The following ZFPM2 variants were observed in gnomAD, a reference collection of about 807,000 sequenced individuals.
ZFPM2 encodes the protein zinc finger protein ZFPM2.
A neutral mutation model predicts 98.6 loss-of-function variants in ZFPM2; 20 were observed. The ratio of observed to expected loss-of-function variants is 0.20; its 90% CI spans 0.14 to 0.29. ZFPM2 has a LOEUF of 0.29. ZFPM2 is among the 10% of genes least tolerant of loss of function. The pLI, the probability that ZFPM2 is intolerant of heterozygous loss-of-function variation, is 1.00. For missense variants in ZFPM2, 1,310 were observed against 1,388.6 expected, an observed-to-expected ratio of 0.94 and a Z score of 0.90; for synonymous variants, 518 against 502.7, an observed-to-expected ratio of 1.03 and a Z score of -0.41.
intron 4 of ZFPM2, among the ~76,000 whole-genome samples, chr8:105,577,263 G>C (rs2130733705): frequency 6.6e-6 from 1 of 152,122 alleles, no homozygotes; most frequent in East Asian, 1.9e-4. Context: ...TCTGTCCATA[G>C]CCTTTATGTA....
intron 1 of ZFPM2, among the ~76,000 whole-genome samples, chr8:105,404,251 C>T (rs148940284): frequency 2.6e-5 from 4 of 152,144 alleles, no homozygotes; most frequent in East Asian, 1.9e-4. Flanking sequence ...AGTGGCTTTG[C>T]GGCTTCATCC....
chr8:105,393,337 C>CTTTCTTTCTCTTT (rs1554600680), intron 1 of ZFPM2, among the ~76,000 whole-genome samples: 1 of 114,776 alleles, frequency 8.7e-6, no homozygotes, highest in South Asian at 3.3e-4. Context: ...TCTCTCTTTG[C>CTTTCTTTCTCTTT]CTTTCTTTCT....
intron 4 of ZFPM2, among the ~76,000 whole-genome samples, chr8:105,597,548 A>G (rs1459252789): frequency 6.6e-6 from 1 of 152,144 alleles, no homozygotes; most frequent in East Asian, 1.9e-4. Context: ...GTCATTAAAG[A>G]GTATAGAGAA....
At chr8:105,442,061 C>T (rs1812262376) in intron 2 of ZFPM2, among the ~76,000 whole-genome samples, 1 of 151,834 alleles carries the variant, frequency 6.6e-6, no homozygotes. Context: ...GGGCCGGGCG[C>T]GGTGGCTCAC....
At chr8:105,380,659 T>TATATATAACATATATATTATATATATATA (rs1810839912) in intron 1 of ZFPM2, among the ~76,000 whole-genome samples, 10 of 31,584 alleles carry the variant, frequency 3.2e-4, no homozygotes, top group Non-Finnish European at 4.9e-4. Context: ...ATATATATAT[T>TATATATAACATATATATTATATATATATA]ATATATAACA....
chr8:105,546,102 TC>T (rs1345110861), intron 3 of ZFPM2, among the ~76,000 whole-genome samples: 1 of 152,172 alleles, frequency 6.6e-6, no homozygotes, highest in African/African-American at 2.4e-5. Context: ...TGTTCCTGTT[TC>T]CTTTTGGATT....
chr8:105,378,312 C>A (rs1810771565), intron 1 of ZFPM2, among the ~76,000 whole-genome samples: 1 of 152,086 alleles, frequency 6.6e-6, no homozygotes, highest in African/African-American at 2.4e-5. Context: ...ATCTGTAATC[C>A]TATATTTTAA....
At chr8:105,407,725 C>G (rs897143516) in intron 1 of ZFPM2, among the ~76,000 whole-genome samples, 7 of 151,894 alleles carry the variant, frequency 4.6e-5, no homozygotes, top group South Asian at 2.1e-4. Context: ...TAAGTAGAAG[C>G]TATTAAATTA....
At chr8:105,617,443 G>T (rs750651347) in intron 4 of ZFPM2, among the ~76,000 whole-genome samples, 2 of 152,140 alleles carry the variant, frequency 1.3e-5, no homozygotes, top group Non-Finnish European at 1.5e-5. Context: ...CTTGAAGTAT[G>T]TGTTTTAAGT....
intron 5 of ZFPM2, among the ~76,000 whole-genome samples, chr8:105,638,642 G>T (rs1816893525): frequency 2.0e-5 from 3 of 151,946 alleles, no homozygotes; most frequent in South Asian, 4.1e-4. Flanking sequence ...TGAGATTTTT[G>T]ATAGTGTTTT....
chr8:105,342,826 A>C (rs1290066675), intron 1 of ZFPM2, among the ~76,000 whole-genome samples: 1 of 152,086 alleles, frequency 6.6e-6, no homozygotes, highest in Non-Finnish European at 1.5e-5. Context: ...TGGATATGAA[A>C]ATAGCAACAT....
At position 105,425,514 on chromosome 8, in the gene ZFPM2, A is replaced by G. The variant is rs1165346202; in HGVS notation, c.199+6212A>G. On this transcript the variant is annotated intron_variant, in intron 2 of 7. Coordinates refer to ENST00000407775, the MANE Select transcript of ZFPM2 (RefSeq NM_012082.4). ...TAGCAGAGTTGGGTTTGTGTTTTCT[A>G]TGTCTTTCCACATTCTTGAATTAGA... 3.3e-5 allele frequency among the ~76,000 whole-genome samples: 5 copies of G among 152,118 alleles called. No homozygotes were observed. In the South Asian group the frequency reaches 8.3e-4, roughly 25 times the overall value.
intron 4 of ZFPM2, among the ~76,000 whole-genome samples, chr8:105,583,892 G>A (rs948997777): frequency 1.3e-4 from 20 of 152,138 alleles, no homozygotes; most frequent in Non-Finnish European, 2.8e-4. Context: ...ACATCATGGA[G>A]TATCCTTTTC....
At chr8:105,663,205 T>C (rs1313498790) in intron 5 of ZFPM2, among the ~76,000 whole-genome samples, 1 of 152,212 alleles carries the variant, frequency 6.6e-6, no homozygotes, top group Non-Finnish European at 1.5e-5. Flanking sequence ...ATTCTGTTCC[T>C]GGCTTCATGG....
chr8:105,494,191 A>ATATATATATG (rs1813413569), intron 3 of ZFPM2, among the ~76,000 whole-genome samples: 1 of 81,180 alleles, frequency 1.2e-5, no homozygotes, highest in Non-Finnish European at 2.4e-5. Context: ...AAGTATATAT[A>ATATATATATG]TATATATATA....
At position 105,795,280 on chromosome 8, in the gene ZFPM2, G is replaced by A. The variant is rs1434014900; in HGVS notation, c.740-3444G>A. On this transcript the variant is annotated intron_variant, in intron 6 of 7. Coordinates refer to ENST00000407775, the MANE Select transcript of ZFPM2 (RefSeq NM_012082.4). ...TGTGTGTGTGTGTGTGTGTGTGTGT[G>A]TGTGGTCAATTGTCCTGGGAGTGTA... 2.0e-5 allele frequency among the ~76,000 whole-genome samples: 3 copies of A among 150,332 alleles called. No individual in the cohort carries two copies. In the East Asian group the frequency reaches 5.9e-4, roughly 29 times the overall value.
At position 105,635,867 on chromosome 8, in the gene ZFPM2, T is replaced by C. The variant is rs375573617; in HGVS notation, c.532+1510T>C. Among the ~76,000 whole-genome samples the C allele has an allele frequency of 7.2e-5, 11 of 152,286 alleles. No individual in the cohort carries two copies. The East Asian group carries it at 2.1e-3, about 29-fold the overall frequency. ...TTAGTAGAGATAATTGTTATATATT[T>C]TGAGTATCCCTTATCCAAATTGCTT... On this transcript the variant is annotated intron_variant, in intron 5 of 7. Transcript: ENST00000407775.
intron 1 of ZFPM2, among the ~76,000 whole-genome samples, chr8:105,418,194 C>G (rs762874781): frequency 6.6e-6 from 1 of 152,110 alleles, no homozygotes; most frequent in Non-Finnish European, 1.5e-5. Flanking sequence ...TTTAGCCTGT[C>G]TGATGGGACT....
intron 3 of ZFPM2, among the ~76,000 whole-genome samples, chr8:105,544,328 G>A (rs866497949): frequency 1.9e-4 from 29 of 152,024 alleles, no homozygotes; most frequent in Non-Finnish European, 3.7e-4. Flanking sequence ...GGTCAGGTGC[G>A]CATTGCCATG....
Sources: gnomAD v4.1 joint callset for allele counts (sites outside exome capture counted in the v4.1 genomes callset) on GRCh38, gnomAD v4.1.1 for gene constraint, MANE v1.5 for transcripts, NCBI Gene and HGNC (gene_info 2026-07-23, HGNC 2026-07-21) for gene names.